PTER: variants seen among roughly 807,000 people sequenced by gnomAD.
PTER encodes N-acetyltaurine hydrolase.
PTER carries 38 observed loss-of-function variants against 29.6 expected under a neutral mutation model. The ratio of observed to expected loss-of-function variants is 1.28; its 90% CI spans 0.99 to 1.68. PTER has a LOEUF of 1.68. PTER is among the 40% of genes most tolerant of loss of function. The probability of loss-of-function intolerance (pLI) is 0.00; values close to 1 mark genes in which losing one functional copy is unlikely to be tolerated. For synonymous variants in PTER, 172 were observed against 154.5 expected (o/e 1.11, Z -0.84); for missense variants, 482 against 427.8 (o/e 1.13, Z -1.12).
chr10:16,511,028 A>G lies in PTER; in HGVS notation c.840-18A>G. The G allele has an allele frequency of 6.3e-7, 1 of 1,599,192 alleles. No individual in the cohort carries two copies. The highest frequency in any genetic ancestry group is 8.5e-7 in the Non-Finnish European group (1 of 1,171,238). On this transcript the variant is annotated intron_variant, in intron 4 of 4. Transcript: ENST00000535784. ...AATGAAAGACAAATGACATCTAATGAGTTAACATTTTTCACAGGGTGCGTC... is the reference window on the plus strand; with the variant it reads ...AATGAAAGACAAATGACATCTAATGGGTTAACATTTTTCACAGGGTGCGTC...
intron 4 of PTER, among the ~76,000 whole-genome samples, chr10:16,508,219 C>T (rs1269060978): frequency 6.6e-6 from 1 of 151,940 alleles, no homozygotes; most frequent in Non-Finnish European, 1.5e-5. Flanking sequence ...CAGGCACCCG[C>T]CACCACGCCC....
rs765520858 is a variant in PTER, at chr10:16,505,042, C to G, written c.721C>G (p.Leu241Val). 1.9e-6 allele frequency: 3 copies of G among 1,613,962 alleles called. No individual in the cohort carries two copies. Among genetic ancestry groups the G allele is most frequent in the Non-Finnish European group, 2.5e-6 (3 of 1,179,916 alleles). Reference protein sequence around the residue: ...LDRTILDKKELLEFAQLGCYL... With the variant: ...LDRTILDKKEVLEFAQLGCYL... Reference sequence around the variant, plus strand: ...TAGGACTATTCTTGATAAGAAAGAGCTCTTGGAGTTTGCTCAACTTGGCTG... The same window carrying G: ...TAGGACTATTCTTGATAAGAAAGAGGTCTTGGAGTTTGCTCAACTTGGCTG... The change falls in exon 4 of 5, where the codon CTC (leucine) becomes GTC (valine). Residue 241 changes from leucine (L) to valine (V), a missense_variant. Coordinates refer to ENST00000535784, the MANE Select transcript of PTER (RefSeq NM_001261836.2).
intron 1 of PTER, among the ~76,000 whole-genome samples, chr10:16,475,380 A>G (rs1366333730): frequency 6.6e-6 from 1 of 152,112 alleles, no homozygotes; most frequent in Non-Finnish European, 1.5e-5. Context: ...CAAGGCTGAA[A>G]TGACTGGGGG....
At chr10:16,488,305 A>T (rs189622987) in intron 3 of PTER, among the ~76,000 whole-genome samples, 1,928 of 152,324 alleles carry the variant, frequency 0.013, 44 homozygotes, top group African/African-American at 0.044. Flanking sequence ...AACATCTTGG[A>T]CAGCTTAATT....
intron 3 of PTER, among the ~76,000 whole-genome samples, chr10:16,499,825 GA>G (rs905021619): frequency 6.6e-6 from 1 of 151,454 alleles, no homozygotes; most frequent in Non-Finnish European, 1.5e-5. Context: ...TAAAAAATCA[GA>G]AAAAAAACTG....
chr10:16,474,511 T>G (rs1835182293), intron 1 of PTER, among the ~76,000 whole-genome samples: 1 of 152,124 alleles, frequency 6.6e-6, no homozygotes, highest in African/African-American at 2.4e-5. Flanking sequence ...CTCTATATTT[T>G]GAATACCTAC....
chr10:16,438,359 C>T (rs1006147447), intron 1 of PTER, among the ~76,000 whole-genome samples: 2 of 151,890 alleles, frequency 1.3e-5, no homozygotes, highest in African/African-American at 4.8e-5. Flanking sequence ...TGCAGTGGTG[C>T]TATCACAGCT....
At chr10:16,477,333 A>G (rs551972091) in intron 1 of PTER, among the ~76,000 whole-genome samples, 12 of 147,432 alleles carry the variant, frequency 8.1e-5, no homozygotes, top group African/African-American at 2.9e-4. Flanking sequence ...TGCATGTAAA[A>G]TACACATTTT....
chr10:16,495,439 G>A (rs1385183014), intron 3 of PTER, among the ~76,000 whole-genome samples: 1 of 152,116 alleles, frequency 6.6e-6, no homozygotes, highest in Admixed American at 6.5e-5. Flanking sequence ...CAAAGTGCTG[G>A]GAGTATAGGC....
At chr10:16,497,214 C>T (rs1034449716) in intron 3 of PTER, among the ~76,000 whole-genome samples, 3 of 152,168 alleles carry the variant, frequency 2.0e-5, no homozygotes, top group Admixed American at 6.5e-5. Context: ...GGATTACAGG[C>T]ATGAGCCATA....
chr10:16,498,413 A>C (rs1000127659), intron 3 of PTER, among the ~76,000 whole-genome samples: 7 of 152,028 alleles, frequency 4.6e-5, no homozygotes, highest in South Asian at 2.1e-4. Context: ...GCGAAACCCT[A>C]TCTCTACTAA....
At chr10:16,464,028 T>C (rs1446429019) in intron 1 of PTER, among the ~76,000 whole-genome samples, 2 of 152,204 alleles carry the variant, frequency 1.3e-5, no homozygotes, top group Non-Finnish European at 2.9e-5. Flanking sequence ...TGTTGATCCC[T>C]TGCCTACTTC....
chr10:16,477,414 T>A (rs1234776859), intron 1 of PTER, among the ~76,000 whole-genome samples: 1 of 152,058 alleles, frequency 6.6e-6, no homozygotes, highest in Non-Finnish European at 1.5e-5. Flanking sequence ...TGACCTCAAA[T>A]GATTCACCCA....
intron 1 of PTER, among the ~76,000 whole-genome samples, chr10:16,467,253 T>G (rs567972534): frequency 2.6e-5 from 4 of 152,350 alleles, no homozygotes; most frequent in African/African-American, 9.6e-5. Flanking sequence ...TTCTATTTTA[T>G]TATTAGTTAT....
Position 16,466,505 on chromosome 10 carries a change from G to A in PTER, c.-48-17832G>A, listed in dbSNP as rs1022772759. Reference sequence around the variant, plus strand: ...CAAGTAACTGGGATTACAGGCATGGGCCACCACGCCCAGCTAATTTTTGTA... The same window carrying A: ...CAAGTAACTGGGATTACAGGCATGGACCACCACGCCCAGCTAATTTTTGTA... On this transcript the variant is annotated intron_variant, in intron 1 of 4. Transcript: ENST00000535784. 5.3e-5 allele frequency among the ~76,000 whole-genome samples: 8 copies of A among 152,148 alleles called. No homozygotes were observed. The East Asian group carries it at 1.4e-3, about 26-fold the overall frequency.
chr10:16,469,706 G>C (rs7079212), intron 1 of PTER, among the ~76,000 whole-genome samples: 28,391 of 151,804 alleles, frequency 0.19, 4,449 homozygotes, highest in African/African-American at 0.43. Context: ...TCCTGTGTAG[G>C]TGGGACCACA....
intron 1 of PTER, among the ~76,000 whole-genome samples, chr10:16,476,324 C>G (rs1377447516): frequency 3.3e-5 from 5 of 152,078 alleles, no homozygotes; most frequent in African/African-American, 1.2e-4. Flanking sequence ...TCGTGATCTG[C>G]CCACCTCGGC....
intron 2 of PTER, among the ~76,000 whole-genome samples, chr10:16,485,552 A>G (rs1381067762): frequency 6.6e-6 from 1 of 152,188 alleles, no homozygotes; most frequent in Non-Finnish European, 1.5e-5. Flanking sequence ...TCTTTGCAAA[A>G]GATCACTTAC....
chr10:16,488,598 T>G (rs1835784778), intron 3 of PTER, among the ~76,000 whole-genome samples: 2 of 144,842 alleles, frequency 1.4e-5, no homozygotes. Flanking sequence ...TATATATATA[T>G]ATATGGAGAG....
Sources: allele counts gnomAD v4.1 joint callset (sites outside exome capture counted in the v4.1 genomes callset), GRCh38; gene constraint gnomAD v4.1.1; transcripts MANE v1.5; gene names NCBI Gene and HGNC (gene_info 2026-07-23, HGNC 2026-07-21).